The following FMN1 variants were observed in gnomAD, a reference collection of about 807,000 sequenced individuals.
FMN1 encodes formin-1.
A neutral mutation model predicts 132.4 loss-of-function variants in FMN1; 110 were observed. The ratio of observed to expected loss-of-function variants is 0.83; its 90% CI spans 0.71 to 0.97. The LOEUF is 0.97. Among genes scored for constraint, FMN1 ranks in the 50% least tolerant of loss-of-function variants. The probability of loss-of-function intolerance (pLI) is 0.00; values close to 1 mark genes in which losing one functional copy is unlikely to be tolerated. For synonymous variants in FMN1, 722 were observed against 651.7 expected, an observed-to-expected ratio of 1.11 and a Z score of -1.64; for missense variants, 1,792 against 1,705.3, an observed-to-expected ratio of 1.05 and a Z score of -0.90.
intron 4 of FMN1, among the ~76,000 whole-genome samples, chr15:33,121,169 A>T (rs1202891526): frequency 1.3e-5 from 2 of 151,580 alleles, no homozygotes; most frequent in Non-Finnish European, 3.0e-5. Flanking sequence ...ACTTAGATCA[A>T]CAACAACAAA....
At chr15:33,139,266 T>C (rs1208996668) in intron 4 of FMN1, among the ~76,000 whole-genome samples, 1 of 152,200 alleles carries the variant, frequency 6.6e-6, no homozygotes, top group African/African-American at 2.4e-5. Context: ...CAATTGCTTA[T>C]TGAGGAAGTT....
intron 4 of FMN1, among the ~76,000 whole-genome samples, chr15:33,112,404 G>A (rs916398950): frequency 6.6e-6 from 1 of 152,108 alleles, no homozygotes; most frequent in African/African-American, 2.4e-5. Flanking sequence ...TTCTGTACTA[G>A]TTTTCTTACA....
intron 6 of FMN1, among the ~76,000 whole-genome samples, chr15:33,027,781 A>G (rs1455274506): frequency 6.6e-6 from 1 of 152,210 alleles, no homozygotes; most frequent in Non-Finnish European, 1.5e-5. Flanking sequence ...ATATACATAC[A>G]CAGCACCTGT....
At chr15:33,001,053 C>T (rs1417495841) in intron 7 of FMN1, among the ~76,000 whole-genome samples, 8 of 152,132 alleles carry the variant, frequency 5.3e-5, no homozygotes, top group Admixed American at 2.0e-4. Flanking sequence ...GAGGCCGAGA[C>T]GGGTGGATCA....
At chr15:33,063,008 C>T (rs1399498557) in intron 6 of FMN1, 2 of 152,192 alleles carry the variant, frequency 1.3e-5, no homozygotes, top group Non-Finnish European at 2.9e-5. Flanking sequence ...ACTAAACTCC[C>T]GTGTCGTGTG....
intron 12 of FMN1, among the ~76,000 whole-genome samples, chr15:32,903,923 C>T (rs1045339844): frequency 2.6e-5 from 4 of 151,826 alleles, no homozygotes; most frequent in East Asian, 1.9e-4. Flanking sequence ...GCAACCCATA[C>T]GAAGAGTTGG....
intron 4 of FMN1, among the ~76,000 whole-genome samples, chr15:33,135,785 TACTA>T (rs2140238264): frequency 6.6e-6 from 1 of 152,346 alleles, no homozygotes; most frequent in Admixed American, 6.5e-5. Flanking sequence ...TGCGTACCAA[TACTA>T]ACTGTTCTAT....
In FMN1 at chr15:33,011,710, A is replaced by G. The variant is rs377287767; in HGVS notation, c.2162-3635T>C. On this transcript the variant is annotated intron_variant, in intron 6 of 20. Transcript: ENST00000616417. The stretch of plus-strand genomic sequence containing the variant: ...GGAGAATATACTTGCAACACCATCA[A>G]TCAAGATCTAGTGTAAATATATAAA... Among the ~76,000 whole-genome samples, 9 of 146,718 alleles carry G rather than the reference A, an allele frequency of 6.1e-5. No homozygotes were observed. The East Asian group carries it at 1.7e-3, about 28-fold the overall frequency.
In FMN1 at chr15:33,176,839, G is replaced by A. The variant is rs530864625; in HGVS notation, c.-132+3359C>T. On this transcript the variant is annotated intron_variant, in intron 3 of 20. Coordinates refer to ENST00000616417, the MANE Select transcript of FMN1 (RefSeq NM_001277313.2). The stretch of plus-strand genomic sequence containing the variant: ...GGAATCCAGCTTCACTTAAATAGAA[G>A]TATTAATATGGTCAGGGGTCTTCGC... Among the ~76,000 whole-genome samples the A allele has an allele frequency of 7.9e-5, 12 of 152,314 alleles. No homozygotes were observed. In the East Asian group the frequency reaches 2.3e-3, roughly 29 times the overall value.
In FMN1 at chr15:32,952,370, C is replaced by T. The variant is rs187141943; in HGVS notation, c.3138+11737G>A. 1.8e-4 allele frequency among the ~76,000 whole-genome samples: 27 copies of T among 152,256 alleles called. No individual in the cohort carries two copies. In the East Asian group the frequency reaches 5.2e-3, roughly 29 times the overall value. On this transcript the variant is annotated intron_variant, in intron 9 of 20. Coordinates refer to ENST00000616417, the MANE Select transcript of FMN1 (RefSeq NM_001277313.2). ...AGAGTGATCTATTTATAATGAGCCCCAGCTCAAGCAGTATAGCTTTCAGTT... is the reference window on the plus strand; with the variant it reads ...AGAGTGATCTATTTATAATGAGCCCTAGCTCAAGCAGTATAGCTTTCAGTT...
chr15:32,845,434 G>A (rs964239904), intron 17 of FMN1, among the ~76,000 whole-genome samples: 5 of 152,134 alleles, frequency 3.3e-5, no homozygotes, highest in African/African-American at 1.2e-4. Context: ...CCAAGGTTAA[G>A]GCAAATCTAC....
At chr15:33,185,211 G>T (rs61123978) in intron 2 of FMN1, among the ~76,000 whole-genome samples, 11,615 of 152,156 alleles carry the variant, frequency 0.076, 1,501 homozygotes, top group African/African-American at 0.27. Flanking sequence ...TTGCATAGTC[G>T]TAATGTTTTG....
At chr15:32,957,111 C>G (rs116543107) in intron 9 of FMN1, among the ~76,000 whole-genome samples, 1,988 of 152,026 alleles carry the variant, frequency 0.013, 37 homozygotes, top group African/African-American at 0.046. Context: ...AAGACAGAGA[C>G]AGAGAGGGAG....
At chr15:32,877,952 G>C (rs2059676607) in intron 16 of FMN1, among the ~76,000 whole-genome samples, 1 of 151,948 alleles carries the variant, frequency 6.6e-6, no homozygotes, top group Admixed American at 6.6e-5. Context: ...ACATAAAAAA[G>C]GTCATATATC....
At chr15:32,815,743 C>A (rs763970085) in intron 17 of FMN1, among the ~76,000 whole-genome samples, 1 of 152,136 alleles carries the variant, frequency 6.6e-6, no homozygotes, top group African/African-American at 2.4e-5. Flanking sequence ...TAGTCTAATA[C>A]AATGGCCTAG....
In FMN1 at chr15:33,052,754, C is replaced by T. The variant is rs550229236; in HGVS notation, c.2161+12203G>A. Among the ~76,000 whole-genome samples the T allele has an allele frequency of 2.6e-5, 4 of 152,328 alleles. No homozygotes were observed. In the South Asian group the frequency reaches 8.3e-4, roughly 32 times the overall value. ...TTAAATCCTTGGACCAGACTGAGAA[C>T]TTATCTTCCCATTTGATGCGTTTTC... is the stretch of plus-strand genomic sequence containing the variant. On this transcript the variant is annotated intron_variant, in intron 6 of 20. Coordinates refer to ENST00000616417, the MANE Select transcript of FMN1 (RefSeq NM_001277313.2).
chr15:33,095,909 T>C (rs891485214), intron 4 of FMN1, among the ~76,000 whole-genome samples: 4 of 151,566 alleles, frequency 2.6e-5, no homozygotes, highest in Non-Finnish European at 5.9e-5. Context: ...TTATGAAATA[T>C]ATAATAAATG....
chr15:33,115,299 T>C (rs1422304341), intron 4 of FMN1, among the ~76,000 whole-genome samples: 2 of 152,136 alleles, frequency 1.3e-5, no homozygotes, highest in African/African-American at 4.8e-5. Flanking sequence ...TCATGGGAAA[T>C]AATACTTGAA....
intron 15 of FMN1, among the ~76,000 whole-genome samples, chr15:32,892,032 T>C (rs2060043827): frequency 6.6e-6 from 1 of 152,218 alleles, no homozygotes; most frequent in South Asian, 2.1e-4. Flanking sequence ...CTTTACTGAT[T>C]TGGATGCCCT....
Sources: gnomAD v4.1 joint callset for allele counts (sites outside exome capture counted in the v4.1 genomes callset) on GRCh38, gnomAD v4.1.1 for gene constraint, MANE v1.5 for transcripts, NCBI Gene and HGNC (gene_info 2026-07-23, HGNC 2026-07-21) for gene names.